Variants in GREB1L observed in about 807,000 individuals in gnomAD.
GREB1L encodes GREB1 like retinoic acid receptor coactivator, also known as GREB1-like protein.
A neutral mutation model predicts 200.8 loss-of-function variants in GREB1L; 17 were observed. The observed-to-expected ratio is 0.08, with a 90% confidence interval of 0.06 to 0.13. The LOEUF (loss-of-function observed/expected upper bound fraction) is 0.13. GREB1L is among the 10% of genes least tolerant of loss of function. GREB1L has a pLI of 1.00. For synonymous variants in GREB1L, 789 were observed against 893.0 expected (o/e 0.88, Z 2.08); for missense variants, 1,657 against 2,367.7 (o/e 0.70, Z 6.23).
At chr18:21,474,498 T>C (rs1465510991) in intron 16 of GREB1L, among the ~76,000 whole-genome samples, 4 of 152,092 alleles carry the variant, frequency 2.6e-5, no homozygotes, top group Admixed American at 6.6e-5. Flanking sequence ...TTTCCATACA[T>C]CTGAAATCTA....
At chr18:21,432,193 G>A (rs1336655188) in intron 7 of GREB1L, among the ~76,000 whole-genome samples, 1 of 151,962 alleles carries the variant, frequency 6.6e-6, no homozygotes, top group Non-Finnish European at 1.5e-5. Context: ...AAAGTCCTGG[G>A]ATTACAGGCG....
At chr18:21,349,100 C>T (rs187847477) in intron 1 of GREB1L, among the ~76,000 whole-genome samples, 89 of 152,306 alleles carry the variant, frequency 5.8e-4, no homozygotes, top group Admixed American at 1.4e-3. Context: ...CTGTTCCTTC[C>T]ACCCCTGATT....
At chr18:21,389,351 T>TTTTTTTTC (rs10686798) in intron 4 of GREB1L, among the ~76,000 whole-genome samples, 2 of 145,558 alleles carry the variant, frequency 1.4e-5, no homozygotes, top group Non-Finnish European at 1.5e-5. Context: ...TTTTTTTTTT[T>TTTTTTTTC]CATCAAATAG....
At chr18:21,275,903 G>A (rs1293230662) in intron 1 of GREB1L, among the ~76,000 whole-genome samples, 3 of 152,162 alleles carry the variant, frequency 2.0e-5, no homozygotes, top group Non-Finnish European at 2.9e-5. Flanking sequence ...TGAATGTGAC[G>A]TCAAAACCAG....
chr18:21,470,016 G>C (rs2035417126), intron 15 of GREB1L, among the ~76,000 whole-genome samples: 1 of 152,088 alleles, frequency 6.6e-6, no homozygotes, highest in African/African-American at 2.4e-5. Flanking sequence ...TGTTGGGCTA[G>C]GATCATGCCT....
In GREB1L at chr18:21,314,822, G is replaced by A. The variant is rs114893680; in HGVS notation, c.-119-51205G>A. 9.5e-3 allele frequency among the ~76,000 whole-genome samples: 1,446 copies of A among 152,254 alleles called. 18 individuals are homozygous for A. The highest frequency in any genetic ancestry group is 0.032 in the African/African-American group (1,317 of 41,562). The stretch of plus-strand genomic sequence containing the variant: ...CAAAAATATTTTATTTACAAAAATA[G>A]CCTATAGGCTAGATTTGGTGGGAGA... On this transcript the variant is annotated intron_variant, in intron 1 of 32. Coordinates refer to ENST00000424526, the MANE Select transcript of GREB1L (RefSeq NM_001142966.3).
intron 7 of GREB1L, among the ~76,000 whole-genome samples, chr18:21,405,662 A>T (rs991968249): frequency 6.6e-6 from 1 of 152,136 alleles, no homozygotes; most frequent in African/African-American, 2.4e-5. Context: ...TTAGCTGGGC[A>T]TGGTGGCATG....
chr18:21,388,290 G>GA (rs752599832), intron 4 of GREB1L, among the ~76,000 whole-genome samples: 15 of 151,958 alleles, frequency 9.9e-5, no homozygotes. Flanking sequence ...TTAAATTTGT[G>GA]AAAATTAAGA....
chr18:21,445,838 C>G (rs1056446847), intron 11 of GREB1L, among the ~76,000 whole-genome samples: 6 of 152,076 alleles, frequency 3.9e-5, no homozygotes, highest in Non-Finnish European at 7.4e-5. Flanking sequence ...CATCTGGGTC[C>G]ACAGCTCATT....
chr18:21,506,541 T>C (rs2037030773), intron 25 of GREB1L, among the ~76,000 whole-genome samples: 1 of 152,226 alleles, frequency 6.6e-6, no homozygotes, highest in Non-Finnish European at 1.5e-5. Flanking sequence ...GGTTAGGAAG[T>C]AGCTGAGGTG....
chr18:21,466,689 G>A (rs141693020), intron 15 of GREB1L, among the ~76,000 whole-genome samples: 1 of 152,226 alleles, frequency 6.6e-6, no homozygotes, highest in East Asian at 1.9e-4. Context: ...CCAAATTGGT[G>A]TACAGATTCA....
chr18:21,520,580 A>G, intron 31 of GREB1L, 108 bp from the exon 32 acceptor site: 1 of 1,262,276 alleles, frequency 7.9e-7, no homozygotes. Context: ...CATCTCCTTT[A>G]CCTTATCCTG....
At chr18:21,376,620 C>T (rs1400270282) in intron 2 of GREB1L, among the ~76,000 whole-genome samples, 1 of 150,908 alleles carries the variant, frequency 6.6e-6, no homozygotes, top group African/African-American at 2.4e-5. Flanking sequence ...CTGGCTAACA[C>T]GGTGAAACCC....
chr18:21,490,356 G>T lies in GREB1L; in HGVS notation c.3030+5G>T. ...CACTTTGTGGCGCGATTAAAGGTTA[G>T]CAATGGACAGACATTTCTCCTTTAA... On this transcript the variant is annotated splice_donor_5th_base_variant and intron_variant, in intron 19 of 32. Transcript: ENST00000424526. 1.9e-5 allele frequency: 29 copies of T among 1,546,184 alleles called. No individual in the cohort carries two copies. Among genetic ancestry groups the T allele is most frequent in the Non-Finnish European group, 2.5e-5 (28 of 1,142,422 alleles).
intron 27 of GREB1L, among the ~76,000 whole-genome samples, chr18:21,510,693 G>A (rs1019019282): frequency 1.3e-5 from 2 of 152,124 alleles, no homozygotes; most frequent in Non-Finnish European, 2.9e-5. Context: ...ACTCTTCTGG[G>A]TATGTATCTA....
intron 5 of GREB1L, among the ~76,000 whole-genome samples, chr18:21,398,956 A>G (rs2041198074): frequency 6.6e-6 from 1 of 152,196 alleles, no homozygotes; most frequent in Non-Finnish European, 1.5e-5. Context: ...TGCTGAAGCC[A>G]TACAGGGTTT....
At chr18:21,434,579 A>ATGTGTG (rs2033417700) in intron 7 of GREB1L, among the ~76,000 whole-genome samples, 2 of 148,504 alleles carry the variant, frequency 1.3e-5, no homozygotes, top group Admixed American at 6.8e-5. Flanking sequence ...GTGTATATAT[A>ATGTGTG]TATATATATA....
chr18:21,369,244 G>A (rs1195317745), intron 2 of GREB1L, among the ~76,000 whole-genome samples: 17 of 152,272 alleles, frequency 1.1e-4, no homozygotes, highest in Middle Eastern at 6.8e-3. Flanking sequence ...ATGTGACAGC[G>A]TTGAAAGATG....
intron 7 of GREB1L, among the ~76,000 whole-genome samples, chr18:21,412,191 A>G (rs1251882774): frequency 6.6e-6 from 1 of 151,638 alleles, no homozygotes; most frequent in African/African-American, 2.4e-5. Context: ...TGAGCTCAGG[A>G]GTTCAAGACT....
Sources: allele counts gnomAD v4.1 joint callset (sites outside exome capture counted in the v4.1 genomes callset), GRCh38; gene constraint gnomAD v4.1.1; transcripts MANE v1.5; gene names NCBI Gene and HGNC (gene_info 2026-07-23, HGNC 2026-07-21).